N4BP2: variants seen among roughly 807,000 people sequenced by gnomAD.
N4BP2 encodes the protein NEDD4-binding protein 2.
A neutral mutation model predicts 152.8 loss-of-function variants in N4BP2; 91 were observed. The ratio of observed to expected loss-of-function variants is 0.60; its 90% CI spans 0.50 to 0.71. The LOEUF is 0.71. Among genes scored for constraint, N4BP2 ranks in the 30% least tolerant of loss-of-function variants. The probability of loss-of-function intolerance (pLI) is 0.00; values close to 1 mark genes in which losing one functional copy is unlikely to be tolerated. For synonymous variants in N4BP2, 646 were observed against 705.3 expected (o/e 0.92, Z 1.33); for missense variants, 1,923 against 2,059.1 (o/e 0.93, Z 1.28).
chr4:40,071,579 T>G (rs1712184432), intron 1 of N4BP2, among the ~76,000 whole-genome samples: 1 of 152,152 alleles, frequency 6.6e-6, no homozygotes, highest in South Asian at 2.1e-4. Context: ...ATTTTTTATT[T>G]TTTTGAGACG....
At chr4:40,179,021 A>T in the N4BP2 span, among the ~76,000 whole-genome samples, 1 of 152,174 alleles carries the variant, frequency 6.6e-6, no homozygotes, top group African/African-American at 2.4e-5. Context: ...TAAGACCATT[A>T]TAAGGAATGG....
intron 2 of N4BP2, among the ~76,000 whole-genome samples, chr4:40,081,969 G>A (rs572012753): frequency 3.9e-5 from 6 of 152,098 alleles, no homozygotes; most frequent in South Asian, 4.2e-4. Flanking sequence ...AAAATTAGCC[G>A]GGTGTGGTGG....
the N4BP2 span, among the ~76,000 whole-genome samples, chr4:40,176,254 G>T: frequency 6.6e-6 from 1 of 152,130 alleles, no homozygotes; most frequent in East Asian, 1.9e-4. Flanking sequence ...GATTTTGCAA[G>T]ATAAAAAAGT....
In N4BP2 at chr4:40,144,852, A is replaced by G. The variant is rs756449662; in HGVS notation, c.5143+52A>G. On this transcript the variant is annotated intron_variant, in intron 16 of 17. Coordinates refer to ENST00000261435, the MANE Select transcript of N4BP2 (RefSeq NM_018177.6). Reference sequence around the variant, plus strand: ...CAATAGAATATATGTCTTTGCTTATATTGGTATAGCTTGCAAATTCAGGAG... The same window carrying G: ...CAATAGAATATATGTCTTTGCTTATGTTGGTATAGCTTGCAAATTCAGGAG... 1.3e-5 allele frequency: 19 copies of G among 1,465,152 alleles called. No individual in the cohort carries two copies. The South Asian group carries it at 2.4e-4, about 18-fold the overall frequency. The allele number at this position is 1,465,152 out of a possible 1,614,324, so 90.8% of individuals were successfully genotyped here. A position where few individuals can be genotyped will look rare whatever the true frequency, so the allele number is the denominator to read the frequency against.
intron 14 of N4BP2, among the ~76,000 whole-genome samples, chr4:40,139,345 C>T (rs1312007546): frequency 6.6e-6 from 1 of 152,176 alleles, no homozygotes; most frequent in East Asian, 1.9e-4. Flanking sequence ...AGTCCTCCCG[C>T]CTCAGCCTTC....
intron 5 of N4BP2, among the ~76,000 whole-genome samples, chr4:40,109,817 A>G (rs1355795678): frequency 6.6e-6 from 1 of 152,230 alleles, no homozygotes; most frequent in Non-Finnish European, 1.5e-5. Flanking sequence ...CTTTGTTAAG[A>G]CAAAATTCAT....
chr4:40,180,489 T>A, the N4BP2 span, among the ~76,000 whole-genome samples: 1 of 152,278 alleles, frequency 6.6e-6, no homozygotes, highest in African/African-American at 2.4e-5. Context: ...GATTTGGCAA[T>A]ATCTACTACA....
At chr4:40,141,212 C>T (rs1293038697) in intron 14 of N4BP2, among the ~76,000 whole-genome samples, 6 of 135,272 alleles carry the variant, frequency 4.4e-5, no homozygotes, top group East Asian at 2.4e-4. Context: ...GCTGGCCTGG[C>T]GGGGGGCTGA....
chr4:40,067,923 A>G (rs1216637263), intron 1 of N4BP2, among the ~76,000 whole-genome samples: 1 of 151,918 alleles, frequency 6.6e-6, no homozygotes, highest in African/African-American at 2.4e-5. Context: ...CAGGTAATCC[A>G]CCTGCCTTGA....
intron 2 of N4BP2, among the ~76,000 whole-genome samples, chr4:40,089,195 TC>T (rs928473190): frequency 6.6e-5 from 10 of 151,090 alleles, no homozygotes; most frequent in East Asian, 2.0e-4. Flanking sequence ...CTTAAGGGAT[TC>T]CCCCCCTCTT....
chr4:40,107,959 T>A (rs1202577942), intron 5 of N4BP2, among the ~76,000 whole-genome samples: 1 of 151,752 alleles, frequency 6.6e-6, no homozygotes, highest in Non-Finnish European at 1.5e-5. Context: ...TATCTCGCTC[T>A]GTTGCCCTGG....
Position 40,106,885 on chromosome 4 carries a change from A to G in N4BP2, c.1374-15A>G. The G allele has an allele frequency of 6.3e-7, 1 of 1,577,010 alleles. No individual in the cohort carries two copies. The highest frequency in any genetic ancestry group is 8.6e-7 in the Non-Finnish European group (1 of 1,162,014). On this transcript the variant is annotated splice_polypyrimidine_tract_variant and intron_variant, in intron 4 of 17. Coordinates refer to ENST00000261435, the MANE Select transcript of N4BP2 (RefSeq NM_018177.6). ...AAGAAAAGGTAATGAAAATTATTTC[A>G]TTTATCTTTCACAGGACTTTGCAAG...
At chr4:40,137,647 TACTC>T (rs1274585714) in intron 14 of N4BP2, among the ~76,000 whole-genome samples, 1 of 152,136 alleles carries the variant, frequency 6.6e-6, no homozygotes, top group Non-Finnish European at 1.5e-5. Flanking sequence ...AAGTTTATCA[TACTC>T]ACAGAGTTCT....
chr4:40,072,666 G>A (rs1419930584), intron 1 of N4BP2, among the ~76,000 whole-genome samples: 1 of 150,992 alleles, frequency 6.6e-6, no homozygotes, highest in African/African-American at 2.4e-5. Context: ...AAAGTAATAG[G>A]ACTACACTCG....
the N4BP2 span, among the ~76,000 whole-genome samples, chr4:40,175,558 T>G: frequency 6.6e-6 from 1 of 152,132 alleles, no homozygotes; most frequent in South Asian, 2.1e-4. Context: ...CTGAGGCTCA[T>G]GCCTGTAATC....
At chr4:40,175,981 T>G in the N4BP2 span, among the ~76,000 whole-genome samples, 1 of 151,314 alleles carries the variant, frequency 6.6e-6, no homozygotes, top group African/African-American at 2.4e-5. Flanking sequence ...TCCCAGCTAC[T>G]TGGGAGGCTG....
chr4:40,124,183 G>A lies in N4BP2; in HGVS notation c.4308G>A (p.Val1436=), dbSNP rs1718184564. 6.2e-7 allele frequency: 1 copy of A among 1,609,108 alleles called. No individual in the cohort carries two copies. The highest frequency in any genetic ancestry group is 1.7e-4 in the Middle Eastern group (1 of 6,040). The change falls in exon 11 of 18, where the codon GTG becomes GTA. Residue 1436 remains valine (V), a synonymous_variant. Coordinates refer to ENST00000261435, the MANE Select transcript of N4BP2 (RefSeq NM_018177.6). The part of the protein sequence containing the change: ...SVMERQRQEE[V]SCGKFMQDPS... ...AGGAGCGACAAAGACAAGAAGAGGT[G>A]TCTTGTGGCAAGTTTATGCAAGGTA...
At chr4:40,104,286 A>G (rs1716027311) in intron 4 of N4BP2, among the ~76,000 whole-genome samples, 1 of 150,626 alleles carries the variant, frequency 6.6e-6, no homozygotes, top group Non-Finnish European at 1.5e-5. Context: ...CCTTTTTCCA[A>G]ATTTTAACCA....
At chr4:40,159,504 A>G (rs1721797687), downstream of N4BP2, among the ~76,000 whole-genome samples, 1 of 152,176 alleles carries the variant, frequency 6.6e-6, no homozygotes, top group Admixed American at 6.5e-5. Flanking sequence ...GTGGGTGGCT[A>G]CATCTCTAAC....
Sources: gnomAD v4.1 joint callset for allele counts (sites outside exome capture counted in the v4.1 genomes callset) on GRCh38, gnomAD v4.1.1 for gene constraint, MANE v1.5 for transcripts, NCBI Gene and HGNC (gene_info 2026-07-23, HGNC 2026-07-21) for gene names.